The following DENND2C variants were observed in gnomAD, a reference collection of about 807,000 sequenced individuals.
The protein encoded by DENND2C is DENN domain containing 2C, also known as DENN domain-containing protein 2C.
In DENND2C, 72 loss-of-function variants were observed where a neutral mutation model predicts 112.4. That is an observed-to-expected ratio of 0.64 (90% CI 0.53 to 0.78). DENND2C has a LOEUF of 0.78. DENND2C is among the 30% of genes least tolerant of loss of function. The pLI is 0.00. For synonymous variants in DENND2C, 329 were observed against 381.6 expected (o/e 0.86, Z 1.61); for missense variants, 992 against 1,113.8 (o/e 0.89, Z 1.56).
chr1:114,625,305 G>A lies in DENND2C; in HGVS notation c.680C>T (p.Pro227Leu), dbSNP rs768922975. 25 of 1,614,032 alleles carry A rather than the reference G, an allele frequency of 1.5e-5. No individual in the cohort carries two copies. The highest frequency in any genetic ancestry group is 1.3e-4 in the South Asian group (12 of 91,062). Residue 227 changes from proline to leucine, a missense_variant, in exon 4 of 21, where the codon CCG (proline) becomes CTG (leucine). This residue lies in a region of DENND2C where 470 missense variants were observed against 472.7 expected (regional missense o/e 0.99). Transcript: ENST00000393274. ...FRYLSESGVT[P>L]YKERNCDKKY... ...TTTGTCACAGTTTCTTTCTTTATAC[G>A]GCGTAACACCAGATTCGGATAAATA...
intron 5 of DENND2C, 79 bp from the exon 6 acceptor site, chr1:114,623,178 A>C: frequency 1.5e-6 from 2 of 1,336,762 alleles, no homozygotes; most frequent in Non-Finnish European, 1.0e-6. Flanking sequence ...AAGAAAGAAA[A>C]AGCTAACTAT....
intron 3 of DENND2C, among the ~76,000 whole-genome samples, chr1:114,631,675 G>A (rs1237890507): frequency 2.0e-5 from 3 of 152,026 alleles, no homozygotes; most frequent in African/African-American, 7.2e-5. Context: ...CCAGCTACTC[G>A]GGAGACTGAG....
intron 1 of DENND2C, among the ~76,000 whole-genome samples, chr1:114,660,772 T>A (rs1357116376): frequency 6.6e-6 from 1 of 152,180 alleles, no homozygotes; most frequent in Non-Finnish European, 1.5e-5. Context: ...AATTTATTTT[T>A]TAAAATTCTG....
At chr1:114,586,396 G>C (rs1398600909) in intron 20 of DENND2C, among the ~76,000 whole-genome samples, 1 of 152,128 alleles carries the variant, frequency 6.6e-6, no homozygotes, top group African/African-American at 2.4e-5. Flanking sequence ...AAGGACCATG[G>C]TTTTTATAAG....
intron 10 of DENND2C, among the ~76,000 whole-genome samples, chr1:114,605,930 A>T (rs1208918846): frequency 6.6e-6 from 1 of 152,220 alleles, no homozygotes; most frequent in Non-Finnish European, 1.5e-5. Context: ...CTTTTGCATA[A>T]ATCTGGTACT....
chr1:114,607,848 C>T (rs1197824278), intron 10 of DENND2C, among the ~76,000 whole-genome samples: 1 of 152,180 alleles, frequency 6.6e-6, no homozygotes, highest in African/African-American at 2.4e-5. Flanking sequence ...TAAATCCTTA[C>T]TGATAATGGA....
chr1:114,633,728 G>T (rs140197479), intron 3 of DENND2C, among the ~76,000 whole-genome samples: 9 of 152,160 alleles, frequency 5.9e-5, no homozygotes, highest in African/African-American at 2.2e-4. Context: ...AACAACAATA[G>T]TAAAAAACTC....
At chr1:114,605,599 CTGGGCAACA>C (rs1354334033) in intron 10 of DENND2C, among the ~76,000 whole-genome samples, 3 of 152,180 alleles carry the variant, frequency 2.0e-5, no homozygotes, top group Admixed American at 2.0e-4. Flanking sequence ...GGAGACCAGC[CTGGGCAACA>C]TGGTGAAACC....
intron 17 of DENND2C, among the ~76,000 whole-genome samples, chr1:114,594,789 A>G (rs905288005): frequency 6.6e-6 from 1 of 152,058 alleles, no homozygotes; most frequent in Non-Finnish European, 1.5e-5. Context: ...ACTTTGTAAA[A>G]TTTTCTGGCA....
At chr1:114,633,124 G>C (rs532589126) in intron 3 of DENND2C, among the ~76,000 whole-genome samples, 1 of 152,246 alleles carries the variant, frequency 6.6e-6, no homozygotes, top group Admixed American at 6.5e-5. Flanking sequence ...GGTGTTGTAA[G>C]TTTCTCTAAC....
chr1:114,632,486 CA>C (rs2101673438), intron 3 of DENND2C, among the ~76,000 whole-genome samples: 1 of 151,994 alleles, frequency 6.6e-6, no homozygotes, highest in Admixed American at 6.6e-5. Flanking sequence ...GGAAAAAAAC[CA>C]ACAACTGCAA....
At chr1:114,592,553 AC>A (rs1179040138) in intron 18 of DENND2C, among the ~76,000 whole-genome samples, 1 of 151,990 alleles carries the variant, frequency 6.6e-6, no homozygotes, top group African/African-American at 2.4e-5. Flanking sequence ...GCCCGTCTCT[AC>A]AAAAAATACA....
intron 18 of DENND2C, among the ~76,000 whole-genome samples, chr1:114,593,810 C>T (rs1307641258): frequency 2.6e-5 from 4 of 151,714 alleles, no homozygotes; most frequent in Non-Finnish European, 4.4e-5. Flanking sequence ...AAACAAAAAA[C>T]GCTGCTCCTT....
At chr1:114,589,502 C>A (rs1479535009) in intron 18 of DENND2C, among the ~76,000 whole-genome samples, 1 of 151,994 alleles carries the variant, frequency 6.6e-6, no homozygotes, top group Non-Finnish European at 1.5e-5. Context: ...GCTGAGAATC[C>A]ATGTTCATCA....
At chr1:114,605,352 CA>C (rs1655631266) in intron 10 of DENND2C, among the ~76,000 whole-genome samples, 1 of 152,168 alleles carries the variant, frequency 6.6e-6, no homozygotes, top group Non-Finnish European at 1.5e-5. Flanking sequence ...ATTCAGGATT[CA>C]CACACTAAAT....
At chr1:114,617,772 A>T (rs1409335537) in intron 8 of DENND2C, among the ~76,000 whole-genome samples, 2 of 152,126 alleles carry the variant, frequency 1.3e-5, no homozygotes, top group African/African-American at 4.8e-5. Context: ...TAGCTACAAC[A>T]AAAGAGTCTA....
chr1:114,618,137 C>A (rs1448035671), intron 8 of DENND2C, among the ~76,000 whole-genome samples: 1 of 151,944 alleles, frequency 6.6e-6, no homozygotes, highest in Non-Finnish European at 1.5e-5. Flanking sequence ...TACAGGCGCC[C>A]GCCACCACGC....
At chr1:114,647,416 C>T (rs936415744) in intron 2 of DENND2C, among the ~76,000 whole-genome samples, 4 of 150,904 alleles carry the variant, frequency 2.7e-5, no homozygotes, top group South Asian at 2.1e-4. Context: ...TGCGTGATCT[C>T]GACTCCCTGC....
intron 2 of DENND2C, among the ~76,000 whole-genome samples, chr1:114,653,391 G>C (rs190776390): frequency 4.9e-4 from 74 of 152,208 alleles, no homozygotes; most frequent in African/African-American, 1.7e-3. Flanking sequence ...TTACAGGTGT[G>C]AGCCACTGCG....
Sources: gnomAD v4.1 joint callset for allele counts (sites outside exome capture counted in the v4.1 genomes callset) on GRCh38, gnomAD v4.1.1 for gene constraint, gnomAD v4.1.1 regional missense constraint, MANE v1.5 for transcripts, NCBI Gene and HGNC (gene_info 2026-07-23, HGNC 2026-07-21) for gene names.